OR9Q1: variants seen among roughly 807,000 people sequenced by gnomAD.
OR9Q1 encodes the protein olfactory receptor family 9 subfamily Q member 1.
For synonymous variants in OR9Q1, 153 were observed against 148.6 expected (o/e 1.03, Z -0.22); for missense variants, 374 against 378.8 (o/e 0.99, Z 0.11).
chr11:58,028,259 C>T (rs1852994650), intron 1 of OR9Q1, among the ~76,000 whole-genome samples: 1 of 152,178 alleles, frequency 6.6e-6, no homozygotes, highest in African/African-American at 2.4e-5. Context: ...ACCGTGGTTC[C>T]TAGGTCAGAG....
chr11:58,052,854 A>G lies in OR9Q1; in HGVS notation c.-92-3016A>G, dbSNP rs796514687. ...CCAAAAAACACATGAAAAAATGCTCACCATCACTGGCCATCAGAGAAATGC... is the reference window on the plus strand; with the variant it reads ...CCAAAAAACACATGAAAAAATGCTCGCCATCACTGGCCATCAGAGAAATGC... On this transcript the variant is annotated intron_variant, in intron 1 of 2. Transcript: ENST00000335397. Among the ~76,000 whole-genome samples, 92 of 151,668 alleles carry G rather than the reference A, an allele frequency of 6.1e-4. 2 individuals are homozygous for G. In the South Asian group the frequency reaches 0.018, roughly 30 times the overall value.
At chr11:58,156,899 A>G (rs1341387160) in intron 2 of OR9Q1, among the ~76,000 whole-genome samples, 2 of 152,218 alleles carry the variant, frequency 1.3e-5, no homozygotes, top group African/African-American at 4.8e-5. Context: ...CTATTAGCAC[A>G]TGAGAACTAG....
intron 2 of OR9Q1, among the ~76,000 whole-genome samples, chr11:58,135,361 A>C (rs1331857538): frequency 6.6e-6 from 1 of 152,130 alleles, no homozygotes; most frequent in East Asian, 1.9e-4. Context: ...TGAACTACTT[A>C]TCTACCTGAA....
chr11:58,053,803 G>A (rs1469509693), intron 1 of OR9Q1, among the ~76,000 whole-genome samples: 4 of 151,270 alleles, frequency 2.6e-5, no homozygotes, highest in South Asian at 4.2e-4. Flanking sequence ...ATTCTTTTTC[G>A]GAACAGCTTA....
chr11:58,040,970 C>CAG (rs1314856287), intron 1 of OR9Q1: 1 of 152,266 alleles, frequency 6.6e-6, no homozygotes, highest in Non-Finnish European at 1.5e-5. Flanking sequence ...GAAGGACACC[C>CAG]AGACACAGGA....
intron 1 of OR9Q1, among the ~76,000 whole-genome samples, chr11:58,037,800 G>A (rs1392489159): frequency 7.4e-6 from 1 of 135,016 alleles, no homozygotes; most frequent in Non-Finnish European, 1.5e-5. Flanking sequence ...CTCACTGCAA[G>A]CTCTGCCTTC....
chr11:58,123,161 A>G (rs1854052824), intron 2 of OR9Q1, among the ~76,000 whole-genome samples: 1 of 152,234 alleles, frequency 6.6e-6, no homozygotes, highest in Non-Finnish European at 1.5e-5. Flanking sequence ...AATTACCTCC[A>G]AGTGAAAGTA....
chr11:58,036,879 A>G (rs572885077), intron 1 of OR9Q1, among the ~76,000 whole-genome samples: 5 of 152,358 alleles, frequency 3.3e-5, no homozygotes, highest in Non-Finnish European at 5.9e-5. Flanking sequence ...TGCTGTGAAC[A>G]TTGTTGAAAT....
At chr11:58,062,247 C>T (rs1853386783) in intron 2 of OR9Q1, among the ~76,000 whole-genome samples, 1 of 152,164 alleles carries the variant, frequency 6.6e-6, no homozygotes, top group African/African-American at 2.4e-5. Context: ...AATAACTGGA[C>T]CATTGTGGCT....
Position 58,088,629 on chromosome 11 carries a change from A to G in OR9Q1, c.-15+32682A>G, listed in dbSNP as rs555785297. ...GCCGCATAAGTGTCTTCTTTGGAGA[A>G]GTGTCTGTTCATATCCTTCACCCAC... is the stretch of plus-strand genomic sequence containing the variant. On this transcript the variant is annotated intron_variant, in intron 2 of 2. Coordinates refer to ENST00000335397, the MANE Select transcript of OR9Q1 (RefSeq NM_001005212.4). Among the ~76,000 whole-genome samples the G allele has an allele frequency of 6.6e-5, 10 of 151,992 alleles. No individual in the cohort carries two copies. The South Asian group carries it at 1.9e-3, about 28-fold the overall frequency.
intron 1 of OR9Q1, among the ~76,000 whole-genome samples, chr11:58,037,933 A>G (rs1259626468): frequency 2.1e-5 from 3 of 141,610 alleles, no homozygotes; most frequent in Non-Finnish European, 3.0e-5. Flanking sequence ...GGGTTTTACC[A>G]TGTTAGCCAG....
chr11:58,091,082 T>A (rs2100277), intron 2 of OR9Q1, among the ~76,000 whole-genome samples: 38,384 of 151,282 alleles, frequency 0.25, 5,365 homozygotes, highest in East Asian at 0.57. Context: ...TAATTTTTTT[T>A]AAAAAAAACA....
intron 2 of OR9Q1, among the ~76,000 whole-genome samples, chr11:58,068,315 C>T (rs1853449844): frequency 1.3e-5 from 2 of 150,350 alleles, no homozygotes; most frequent in South Asian, 2.1e-4. Context: ...CATTGCACTC[C>T]AGTCTGGGTG....
In OR9Q1 at chr11:58,047,854, A is replaced by G. The variant is rs150933736; in HGVS notation, c.-92-8016A>G. Among the ~76,000 whole-genome samples, 285 of 152,336 alleles carry G rather than the reference A, an allele frequency of 1.9e-3. 1 individual carries two copies. The highest frequency in any genetic ancestry group is 3.5e-3 in the Non-Finnish European group (241 of 68,032). On this transcript the variant is annotated intron_variant, in intron 1 of 2. Coordinates refer to ENST00000335397, the MANE Select transcript of OR9Q1 (RefSeq NM_001005212.4). ...AGCCAAGATCTCACCACTGCACCCC[A>G]GCCTGGTGACAGAGAGAGACTCCGT...
intron 1 of OR9Q1, among the ~76,000 whole-genome samples, chr11:58,043,404 A>C (rs779991366): frequency 6.6e-6 from 1 of 152,080 alleles, no homozygotes; most frequent in Non-Finnish European, 1.5e-5. Context: ...CTATTTGTCT[A>C]TTCATTTCCC....
chr11:58,105,009 T>C (rs1853826528), intron 2 of OR9Q1, among the ~76,000 whole-genome samples: 1 of 152,208 alleles, frequency 6.6e-6, no homozygotes, highest in African/African-American at 2.4e-5. Flanking sequence ...CTTTAATTTT[T>C]ATAACAATTC....
At chr11:58,163,972 C>G (rs1339073752) in intron 2 of OR9Q1, among the ~76,000 whole-genome samples, 1 of 152,184 alleles carries the variant, frequency 6.6e-6, no homozygotes, top group African/African-American at 2.4e-5. Context: ...TCTTTTCCTA[C>G]ATGAAAGGGG....
intron 1 of OR9Q1, among the ~76,000 whole-genome samples, chr11:58,034,100 T>C (rs1025211555): frequency 9.7e-6 from 1 of 103,288 alleles, no homozygotes; most frequent in Non-Finnish European, 2.0e-5. Context: ...TTTTTTTTTT[T>C]AGACAGAGTC....
chr11:58,125,346 A>G lies in OR9Q1; in HGVS notation c.-14-54085A>G, dbSNP rs919537416. On this transcript the variant is annotated intron_variant, in intron 2 of 2. Coordinates refer to ENST00000335397, the MANE Select transcript of OR9Q1 (RefSeq NM_001005212.4). ...ATCAGATGACAACTTCTGATGACAA[A>G]GGCAAGATTCTCTGCCCAGTTACAC... 6.6e-5 allele frequency: 10 copies of G among 151,412 alleles called. No individual in the cohort carries two copies. In the East Asian group the frequency reaches 1.8e-3, roughly 27 times the overall value. The allele number at this position is 151,412 out of a possible 1,614,324, so 9.4% of individuals were successfully genotyped here. A position where few individuals can be genotyped will look rare whatever the true frequency, so the allele number is the denominator to read the frequency against.
Sources: gnomAD v4.1 joint callset for allele counts (sites outside exome capture counted in the v4.1 genomes callset) on GRCh38, gnomAD v4.1.1 for gene constraint, MANE v1.5 for transcripts, NCBI Gene and HGNC (gene_info 2026-07-23, HGNC 2026-07-21) for gene names.